The following DPP6 variants were observed in gnomAD, a reference collection of about 807,000 sequenced individuals.
The protein encoded by DPP6 is dipeptidyl peptidase like 6.
DPP6 carries 69 observed loss-of-function variants against 122.6 expected under a neutral mutation model. That is an observed-to-expected ratio of 0.56 (90% CI 0.46 to 0.69). The LOEUF is 0.69. Among genes scored for constraint, DPP6 ranks in the 30% least tolerant of loss-of-function variants. The probability of loss-of-function intolerance (pLI) is 0.00; values close to 1 mark genes in which losing one functional copy is unlikely to be tolerated. For synonymous variants in DPP6, 418 were observed against 433.1 expected, an observed-to-expected ratio of 0.97 and a Z score of 0.43; for missense variants, 928 against 1,116.9, an observed-to-expected ratio of 0.83 and a Z score of 2.41.
chr7:154,555,859 G>T (rs1830000567), intron 4 of DPP6, among the ~76,000 whole-genome samples: 1 of 151,826 alleles, frequency 6.6e-6, no homozygotes, highest in South Asian at 2.1e-4. Context: ...ATAAGATCTT[G>T]TTAGAAATTT....
intron 5 of DPP6, among the ~76,000 whole-genome samples, chr7:154,609,143 A>G (rs1833754450): frequency 6.6e-6 from 1 of 152,244 alleles, no homozygotes; most frequent in Non-Finnish European, 1.5e-5. Flanking sequence ...CACTTCTGGC[A>G]TCTAGATATT....
chr7:154,854,797 G>A (rs114525443), intron 17 of DPP6, among the ~76,000 whole-genome samples: 2,174 of 152,300 alleles, frequency 0.014, 56 homozygotes, highest in African/African-American at 0.05. Flanking sequence ...GCAGTGGGAG[G>A]CAGAGGCACA....
chr7:154,248,028 T>C (rs1802102718), intron 1 of DPP6, among the ~76,000 whole-genome samples: 1 of 152,124 alleles, frequency 6.6e-6, no homozygotes, highest in Non-Finnish European at 1.5e-5. Context: ...GGTGTCAGCA[T>C]GGTTGGGTTC....
intron 1 of DPP6, among the ~76,000 whole-genome samples, chr7:154,000,120 G>C (rs1303559584): frequency 1.4e-5 from 2 of 147,816 alleles, no homozygotes; most frequent in Admixed American, 6.6e-5. Flanking sequence ...TAGGTTCCGG[G>C]CATGATAATA....
At chr7:154,609,678 G>T (rs1833788301) in intron 5 of DPP6, among the ~76,000 whole-genome samples, 1 of 152,024 alleles carries the variant, frequency 6.6e-6, no homozygotes, top group African/African-American at 2.4e-5. Context: ...GCACACAGTG[G>T]GACAGTCTGT....
chr7:154,334,648 G>A (rs1809243072), intron 1 of DPP6, among the ~76,000 whole-genome samples: 1 of 152,192 alleles, frequency 6.6e-6, no homozygotes, highest in East Asian at 1.9e-4. Flanking sequence ...TGTAATCCCA[G>A]CACTTTGGGA....
intron 5 of DPP6, among the ~76,000 whole-genome samples, chr7:154,575,456 G>GTGTGGTGTGTATGTA (rs1831563250): frequency 8.1e-6 from 1 of 123,272 alleles, no homozygotes; most frequent in African/African-American, 3.1e-5. Flanking sequence ...GTGTATGTGT[G>GTGTGGTGTGTATGTA]TGNGCGGGTG....
chr7:154,655,707 G>T (rs376201938), intron 6 of DPP6, among the ~76,000 whole-genome samples: 3 of 152,212 alleles, frequency 2.0e-5, no homozygotes, highest in African/African-American at 7.2e-5. Flanking sequence ...GTGTGCTGCC[G>T]TGGCCTAAAT....
At chr7:153,863,456 T>TC in the DPP6 span, among the ~76,000 whole-genome samples, 7 of 150,866 alleles carry the variant, frequency 4.6e-5, no homozygotes, top group South Asian at 2.2e-4. Context: ...TTTCCTTTTT[T>TC]CCCCTCAGTC....
intron 1 of DPP6, among the ~76,000 whole-genome samples, chr7:154,429,814 G>A (rs560208563): frequency 1.8e-4 from 28 of 152,212 alleles, no homozygotes; most frequent in African/African-American, 6.3e-4. Context: ...GCAGTACCAC[G>A]TGTCTTATGT....
At chr7:154,150,695 C>T (rs969321379) in intron 1 of DPP6, among the ~76,000 whole-genome samples, 10 of 152,234 alleles carry the variant, frequency 6.6e-5, no homozygotes, top group South Asian at 2.1e-4. Context: ...GGCCTGAGAG[C>T]GGCTGCACAG....
At chr7:153,987,738 T>C (rs1796923700) in intron 1 of DPP6, among the ~76,000 whole-genome samples, 1 of 152,148 alleles carries the variant, frequency 6.6e-6, no homozygotes, top group African/African-American at 2.4e-5. Flanking sequence ...TTTCTCCATC[T>C]GTTTCCCCTT....
rs544810176 is a variant in DPP6, at chr7:154,785,275, C to G, written c.1137-8804C>G. On this transcript the variant is annotated intron_variant, in intron 10 of 25. Coordinates refer to ENST00000377770, the MANE Select transcript of DPP6 (RefSeq NM_130797.4). ...CCTCTCCTTCTAACCCATCTCACCC[C>G]CAGATGGAGATGACTTTTCACTCTT... 3.9e-5 allele frequency among the ~76,000 whole-genome samples: 6 copies of G among 152,242 alleles called. No homozygotes were observed. The South Asian group carries it at 1.2e-3, about 32-fold the overall frequency.
At chr7:154,226,214 A>G (rs1054908900) in intron 1 of DPP6, among the ~76,000 whole-genome samples, 1 of 152,216 alleles carries the variant, frequency 6.6e-6, no homozygotes, top group Non-Finnish European at 1.5e-5. Flanking sequence ...AAATGGCATC[A>G]TGTCTGCAAG....
chr7:153,875,411 G>C, the DPP6 span, among the ~76,000 whole-genome samples: 2 of 152,166 alleles, frequency 1.3e-5, no homozygotes, highest in Non-Finnish European at 2.9e-5. Context: ...GACTTAAGAA[G>C]AGAAGAATGG....
At chr7:154,873,036 T>C (rs1329131762) in intron 19 of DPP6, among the ~76,000 whole-genome samples, 1 of 152,264 alleles carries the variant, frequency 6.6e-6, no homozygotes, top group Non-Finnish European at 1.5e-5. Flanking sequence ...AGACACAAGA[T>C]GGCTGGAGCC....
intron 1 of DPP6, among the ~76,000 whole-genome samples, chr7:153,979,592 G>A (rs1173746500): frequency 1.3e-5 from 2 of 152,212 alleles, no homozygotes; most frequent in African/African-American, 2.4e-5. Context: ...TTGAATAGGA[G>A]TGGTGAGAGA....
rs1420557510 is a variant in DPP6 at position 154,486,444 on chromosome 7, T to C, written c.457+11407T>C. The stretch of plus-strand genomic sequence containing the variant: ...ACCATGCCCGGCCACTCATGGCCTC[T>C]ATTACCACGTTCCTGGCCATATTAG... On this transcript the variant is annotated intron_variant, in intron 3 of 25. Transcript: ENST00000377770. The surrounding 1 kb of genome is among the most constrained non-coding windows in gnomAD (Gnocchi z 4.5). Among the ~76,000 whole-genome samples, 2 of 152,230 alleles carry C rather than the reference T, an allele frequency of 1.3e-5. No individual in the cohort carries two copies. Among genetic ancestry groups the C allele is most frequent in the African/African-American group, 2.4e-5 (1 of 41,474 alleles).
At chr7:154,061,123 A>T (rs1209795134) in intron 1 of DPP6, among the ~76,000 whole-genome samples, 2 of 148,356 alleles carry the variant, frequency 1.3e-5, no homozygotes, top group Non-Finnish European at 3.0e-5. Flanking sequence ...CCGGAAATTA[A>T]GGGCAGAAGG....
Sources: gnomAD v4.1 joint callset for allele counts (sites outside exome capture counted in the v4.1 genomes callset) on GRCh38, gnomAD v4.1.1 for gene constraint, Gnocchi (gnomAD v3.1) non-coding constraint, MANE v1.5 for transcripts, NCBI Gene and HGNC (gene_info 2026-07-23, HGNC 2026-07-21) for gene names.